Variants in ACSS3 observed in about 807,000 individuals in gnomAD.
The protein encoded by ACSS3 is acyl-CoA synthetase short-chain family member 3, mitochondrial.
ACSS3 carries 64 observed loss-of-function variants against 84.2 expected under a neutral mutation model. That is an observed-to-expected ratio of 0.76 (90% CI 0.62 to 0.94). The LOEUF is 0.94. Among genes scored for constraint, ACSS3 ranks in the 40% least tolerant of loss-of-function variants. The pLI, the probability that ACSS3 is intolerant of heterozygous loss-of-function variation, is 0.00. For missense variants in ACSS3, 815 were observed against 867.6 expected (o/e 0.94, Z 0.76); for synonymous variants, 317 against 310.1 (o/e 1.02, Z -0.23).
intron 2 of ACSS3, among the ~76,000 whole-genome samples, chr12:81,118,228 C>T (rs544656173): frequency 1.1e-4 from 17 of 152,198 alleles, no homozygotes; most frequent in African/African-American, 2.2e-4. Context: ...AAAATAAGGA[C>T]GTGCAGTAAA....
chr12:81,145,067 ATTTTTTTT>A (rs35753293), intron 5 of ACSS3, among the ~76,000 whole-genome samples: 6 of 100,874 alleles, frequency 5.9e-5, no homozygotes, highest in African/African-American at 7.9e-5. Flanking sequence ...CGCCTGGCTA[ATTTTTTTT>A]TTTTTTTTTT....
chr12:81,236,547 A>G (rs192777684), intron 13 of ACSS3, among the ~76,000 whole-genome samples: 1 of 150,890 alleles, frequency 6.6e-6, no homozygotes, highest in Admixed American at 6.6e-5. Context: ...TACTTAGTTC[A>G]TATGGACAGC....
intron 1 of ACSS3, among the ~76,000 whole-genome samples, chr12:81,090,039 A>G (rs950618981): frequency 2.0e-5 from 3 of 152,012 alleles, no homozygotes; most frequent in Non-Finnish European, 2.9e-5. Flanking sequence ...GTGAAAAAGC[A>G]TGAGAGCAAT....
At chr12:81,194,086 T>A (rs2031708585) in intron 8 of ACSS3, among the ~76,000 whole-genome samples, 1 of 151,732 alleles carries the variant, frequency 6.6e-6, no homozygotes, top group Non-Finnish European at 1.5e-5. Flanking sequence ...TTTTTTTTTA[T>A]AAACCACTGT....
chr12:81,092,225 C>T (rs1221415399), intron 1 of ACSS3, among the ~76,000 whole-genome samples: 1 of 151,964 alleles, frequency 6.6e-6, no homozygotes, highest in Non-Finnish European at 1.5e-5. Flanking sequence ...CCAATATTTA[C>T]TGAATGACCT....
chr12:81,123,336 G>A (rs1191062242), intron 2 of ACSS3, among the ~76,000 whole-genome samples: 1 of 152,156 alleles, frequency 6.6e-6, no homozygotes, highest in Non-Finnish European at 1.5e-5. Flanking sequence ...AGAAGGTGGA[G>A]AAAGGCTAGA....
At chr12:81,134,639 T>A in intron 2 of ACSS3, among the ~76,000 whole-genome samples, 177 bp from the exon 3 acceptor site, 1 of 152,282 alleles carries the variant, frequency 6.6e-6, no homozygotes, top group South Asian at 2.1e-4. Flanking sequence ...ATGATTATAA[T>A]ACAATTGTTA....
intron 4 of ACSS3, 43 bp from the exon 5 acceptor site, chr12:81,143,064 A>G: frequency 1.4e-6 from 2 of 1,476,058 alleles, no homozygotes; most frequent in East Asian, 2.4e-5. Flanking sequence ...TCTTGATTTA[A>G]TCTCCTTATT....
In ACSS3 at chr12:81,260,149, GA is replaced by G. The variant is rs2034913479; in HGVS notation, c.*5232del. The G allele has an allele frequency of 6.6e-6, 1 of 152,284 alleles. No individual in the cohort carries two copies. The highest frequency in any genetic ancestry group is 2.4e-5 in the African/African-American group (1 of 41,426). 9.4% of individuals were successfully genotyped at this position (152,284 alleles called of 1,614,324 possible). A position where few individuals can be genotyped will look rare whatever the true frequency, so the allele number is the denominator to read the frequency against. ...ATTGTTTTCAGCCATAATGTACTTA[GA>G]AAAAGCTCACAATTGCTATTACTGA... On this transcript the variant is annotated 3_prime_UTR_variant, in exon 16 of 16. Transcript: ENST00000548058.
At chr12:81,136,165 T>C (rs2525842) in intron 3 of ACSS3, among the ~76,000 whole-genome samples, 71,190 of 151,992 alleles carry the variant, frequency 0.47, 16,955 homozygotes, top group East Asian at 0.62. Context: ...TGAAATATCA[T>C]TGAGCTATTT....
chr12:81,189,449 TAATGAGGTTG>T lies in ACSS3; in HGVS notation c.1251-9880_1251-9871del, dbSNP rs1253948626. Among the ~76,000 whole-genome samples the T allele has an allele frequency of 5.3e-5, 8 of 152,282 alleles. No homozygotes were observed. The East Asian group carries it at 7.7e-4, about 15-fold the overall frequency. ...CATTTAATTTTCATGTCAAAGTTGT[TAATGAGGTTG>T]AATGAGGTTGATCACCTTTTAATAA... On this transcript the variant is annotated intron_variant, in intron 8 of 15. Coordinates refer to ENST00000548058, the MANE Select transcript of ACSS3 (RefSeq NM_024560.4).
chr12:81,146,269 T>A (rs1886337069), intron 5 of ACSS3, among the ~76,000 whole-genome samples: 1 of 152,184 alleles, frequency 6.6e-6, no homozygotes, highest in Non-Finnish European at 1.5e-5. Context: ...GGACACCTCC[T>A]TATTCATACA....
At position 81,134,873 on chromosome 12, in the gene ACSS3, G is replaced by A. The variant is rs1054511021; in HGVS notation, c.514G>A (p.Val172Ile). 6.3e-7 allele frequency: 1 copy of A among 1,598,876 alleles called. No homozygotes were observed. The highest frequency in any genetic ancestry group is 8.5e-7 in the Non-Finnish European group (1 of 1,171,486). ...TGGCATCAAGAAAGGTGACACTGTG[G>A]TTATCTACATGCCTATGATCCCACA... The part of the protein sequence containing the change: ...KHGIKKGDTV[V>I]IYMPMIPQAM... The change falls in exon 3 of 16, where the codon GTT (valine) becomes ATT (isoleucine). Residue 172 changes from valine (V) to isoleucine (I), a missense_variant. Coordinates refer to ENST00000548058, the MANE Select transcript of ACSS3 (RefSeq NM_024560.4).
chr12:81,182,913 T>C (rs1565708920), intron 8 of ACSS3, among the ~76,000 whole-genome samples: 1 of 152,142 alleles, frequency 6.6e-6, no homozygotes, highest in Non-Finnish European at 1.5e-5. Flanking sequence ...TGCTCACTTA[T>C]CTGGTCATGT....
chr12:81,118,247 T>C (rs1884221570), intron 2 of ACSS3, among the ~76,000 whole-genome samples: 1 of 152,192 alleles, frequency 6.6e-6, no homozygotes, highest in African/African-American at 2.4e-5. Context: ...AAATAGTGGC[T>C]TAATTTTTTA....
intron 7 of ACSS3, among the ~76,000 whole-genome samples, chr12:81,168,788 G>A (rs1593153336): frequency 1.3e-5 from 2 of 152,262 alleles, no homozygotes; most frequent in East Asian, 3.9e-4. Context: ...ATATTCACTT[G>A]TTAACACTTG....
intron 8 of ACSS3, among the ~76,000 whole-genome samples, chr12:81,185,880 A>G (rs1791926049): frequency 6.6e-6 from 1 of 151,800 alleles, no homozygotes; most frequent in South Asian, 2.1e-4. Flanking sequence ...ATGAAAATGT[A>G]AAAGACCCCA....
chr12:81,141,925 A>G (rs1886112453), intron 4 of ACSS3, among the ~76,000 whole-genome samples: 1 of 152,202 alleles, frequency 6.6e-6, no homozygotes, highest in African/African-American at 2.4e-5. Context: ...TCTTCGATTC[A>G]GCTATAAATG....
chr12:81,116,873 T>C (rs145883193), intron 2 of ACSS3, among the ~76,000 whole-genome samples: 75 of 152,288 alleles, frequency 4.9e-4, no homozygotes, highest in African/African-American at 1.8e-3. Context: ...TTTGTTTTTA[T>C]ATATTAGGAA....
Sources: allele counts gnomAD v4.1 joint callset (sites outside exome capture counted in the v4.1 genomes callset), GRCh38; gene constraint gnomAD v4.1.1; transcripts MANE v1.5; gene names NCBI Gene and HGNC (gene_info 2026-07-23, HGNC 2026-07-21).